The following USP20 variants were observed in gnomAD, a reference collection of about 807,000 sequenced individuals.
USP20 encodes ubiquitin specific peptidase 20.
USP20 carries 80 observed loss-of-function variants against 124.2 expected under a neutral mutation model. The observed-to-expected ratio is 0.64, with a 90% confidence interval of 0.54 to 0.78. The LOEUF (loss-of-function observed/expected upper bound fraction) is 0.78. USP20 is among the 30% of genes least tolerant of loss of function. The probability of loss-of-function intolerance (pLI) is 0.00; values close to 1 mark genes in which losing one functional copy is unlikely to be tolerated. For synonymous variants in USP20, 481 were observed against 512.3 expected (o/e 0.94, Z 0.83); for missense variants, 1,043 against 1,244.4 (o/e 0.84, Z 2.44).
intron 17 of USP20, 36 bp downstream of exon 17, chr9:129,873,780 A>G (rs1416705421): frequency 1.2e-6 from 2 of 1,606,780 alleles, no homozygotes; most frequent in Non-Finnish European, 1.7e-6. Context: ...CTCCTCAGCT[A>G]TCTCGGGATG....
At chr9:129,843,117 ATTT>A (rs111656983) in intron 1 of USP20, among the ~76,000 whole-genome samples, 16 of 140,504 alleles carry the variant, frequency 1.1e-4, no homozygotes, top group Non-Finnish European at 1.5e-4. Context: ...TTGACCAATA[ATTT>A]TTTTTTTTTT....
In USP20 at chr9:129,869,444, G is replaced by A. The variant is rs765162442; in HGVS notation, c.1392+19G>A. 1.9e-6 allele frequency: 3 copies of A among 1,610,342 alleles called. No individual in the cohort carries two copies. Among genetic ancestry groups the A allele is most frequent in the Non-Finnish European group, 1.7e-6 (2 of 1,177,130 alleles). On this transcript the variant is annotated intron_variant, in intron 13 of 25. Coordinates refer to ENST00000372429, the MANE Select transcript of USP20 (RefSeq NM_001110303.4). ...TGACCGGGTGGGTGCCCCAGGGATGGGGGGAGCTGGGCCAGGCTGCCAGTG... is the reference window on the plus strand; with the variant it reads ...TGACCGGGTGGGTGCCCCAGGGATGAGGGGAGCTGGGCCAGGCTGCCAGTG...
At chr9:129,865,482 A>G in intron 10 of USP20, 101 bp downstream of exon 10, 6 of 1,277,954 alleles carry the variant, frequency 4.7e-6, no homozygotes, top group Non-Finnish European at 6.8e-6. Flanking sequence ...GCAGCTGAGC[A>G]CTGGTTGGCA....
intron 5 of USP20, 63 bp from the exon 6 acceptor site, chr9:129,858,404 T>G: frequency 6.2e-7 from 1 of 1,608,620 alleles, no homozygotes; most frequent in South Asian, 1.1e-5. Context: ...GAGCAGCCAT[T>G]ACAGGTTGGG....
At chr9:129,877,456 G>A (rs2034454967) in intron 22 of USP20, among the ~76,000 whole-genome samples, 1 of 152,180 alleles carries the variant, frequency 6.6e-6, no homozygotes, top group African/African-American at 2.4e-5. Context: ...CTGGGAGGTT[G>A]AGGCTGCAGT....
At chr9:129,852,201 G>A (rs1000044657) in intron 2 of USP20, among the ~76,000 whole-genome samples, 1 of 152,182 alleles carries the variant, frequency 6.6e-6, no homozygotes, top group Non-Finnish European at 1.5e-5. Context: ...ATTGTCTGGT[G>A]TGCAGCTCCC....
chr9:129,859,762 C>T (rs7874858), intron 6 of USP20, among the ~76,000 whole-genome samples: 133,279 of 151,984 alleles, frequency 0.88, 58,822 homozygotes, highest in East Asian at 1. Context: ...AGGCTGGGCG[C>T]CATGGCTAAT....
intron 9 of USP20, among the ~76,000 whole-genome samples, chr9:129,863,834 G>A (rs1218211263): frequency 1.3e-5 from 2 of 152,214 alleles, no homozygotes; most frequent in African/African-American, 4.8e-5. Flanking sequence ...AGGGCCAGGC[G>A]CAGTGGCTCA....
rs367694158 is a variant in USP20, at chr9:129,876,102, G to T, written c.2301-28G>T. On this transcript the variant is annotated intron_variant, in intron 21 of 25. Coordinates refer to ENST00000372429, the MANE Select transcript of USP20 (RefSeq NM_001110303.4). ...CCCTCCCTGGTACCCCGCTCAGGCC[G>T]TGTCTCTCTCTCCCACCCTGGGCAC... is the stretch of plus-strand genomic sequence containing the variant. 4.4e-6 allele frequency: 7 copies of T among 1,591,892 alleles called. No individual in the cohort carries two copies. The South Asian group carries it at 6.7e-5, about 15-fold the overall frequency.
In USP20 at chr9:129,870,555, G is replaced by C; in HGVS notation, c.1660+8G>C. 6.2e-7 allele frequency: 1 copy of C among 1,614,078 alleles called. No individual in the cohort carries two copies. The highest frequency in any genetic ancestry group is 1.1e-5 in the South Asian group (1 of 91,066). On this transcript the variant is annotated splice_region_variant and intron_variant, in intron 15 of 25. Coordinates refer to ENST00000372429, the MANE Select transcript of USP20 (RefSeq NM_001110303.4). The stretch of plus-strand genomic sequence containing the variant: ...CCGCTGATGAGTTAAAGGGTGAGGG[G>C]CCTGGCTGGCAAGGGTCGGGGAGGT...
chr9:129,853,921 A>C (rs1564202392), intron 3 of USP20, among the ~76,000 whole-genome samples: 1 of 152,182 alleles, frequency 6.6e-6, no homozygotes, highest in Non-Finnish European at 1.5e-5. Flanking sequence ...GCTGTGTGTC[A>C]GAGATCACAA....
In USP20 at chr9:129,868,361, T is replaced by C; in HGVS notation, c.1047T>C (p.Asp349=). ...TNSEQVDEDA[D]VDTAMAALDD... The stretch of plus-strand genomic sequence containing the variant: ...CGGAGCAAGTGGACGAGGACGCTGA[T>C]GTGGACACTGCCATGGCTGCCCTTG... Residue 349 remains aspartate (D), a synonymous_variant, in exon 11 of 26, where the codon GAT becomes GAC. Transcript: ENST00000372429. 6.2e-7 allele frequency: 1 copy of C among 1,603,624 alleles called. No homozygotes were observed.
chr9:129,861,713 T>C, intron 8 of USP20, 101 bp downstream of exon 8: 4 of 1,046,916 alleles, frequency 3.8e-6, no homozygotes, highest in Non-Finnish European at 1.4e-6. Context: ...AACACATGTA[T>C]AGGATGCACA....
Position 129,849,522 on chromosome 9 carries a change from G to T in USP20, c.-128-291G>T, listed in dbSNP as rs375895546. 3.3e-5 allele frequency among the ~76,000 whole-genome samples: 5 copies of T among 152,318 alleles called. No individual in the cohort carries two copies. In the East Asian group the frequency reaches 5.8e-4, roughly 18 times the overall value. On this transcript the variant is annotated intron_variant, in intron 1 of 25. Transcript: ENST00000372429. ...GCCTATAATCTCAGCACTTTGGAAG[G>T]CCTGAGGTGGGAGGACTACTTGAGC...
intron 23 of USP20, 105 bp downstream of exon 23, chr9:129,878,545 C>T: frequency 1.9e-6 from 2 of 1,053,788 alleles, no homozygotes; most frequent in Non-Finnish European, 2.7e-6. Context: ...AGGCCCCATG[C>T]CTGCCCCCAG....
chr9:129,852,737 A>G lies in USP20; in HGVS notation c.81+101A>G. The G allele has an allele frequency of 2.5e-6, 3 of 1,190,978 alleles. No homozygotes were observed. The South Asian group carries it at 4.1e-5, about 16-fold the overall frequency. The allele number at this position is 1,190,978 out of a possible 1,614,324, so 73.8% of individuals were successfully genotyped here. On this transcript the variant is annotated intron_variant, in intron 3 of 25. Coordinates refer to ENST00000372429, the MANE Select transcript of USP20 (RefSeq NM_001110303.4). ...GCAGTGGAAAAACTGGTTCCCTGAC[A>G]GTCTCTGCTCAGCTTTCTGTGTAAA...
At chr9:129,840,766 CTTTT>C (rs34092925) in intron 1 of USP20, among the ~76,000 whole-genome samples, 4 of 120,472 alleles carry the variant, frequency 3.3e-5, no homozygotes, top group Non-Finnish European at 3.4e-5. Context: ...CCTTTAGAAA[CTTTT>C]TTTTTTTTTT....
At chr9:129,876,741 T>A (rs1038992358) in intron 22 of USP20, among the ~76,000 whole-genome samples, 5 of 151,328 alleles carry the variant, frequency 3.3e-5, no homozygotes, top group Non-Finnish European at 7.4e-5. Context: ...TTGGCTTGAG[T>A]AAGTGAAGCC....
At position 129,880,265 on chromosome 9, in the gene USP20, G is replaced by A. The variant is rs1406014938; in HGVS notation, c.2737G>A (p.Ala913Thr). The change falls in exon 25 of 26, where the codon GCC becomes ACC. Residue 913 changes from alanine (A) to threonine (T), a missense_variant. By Grantham distance (58) the Ala-to-Thr change is moderately conservative. Transcript: ENST00000372429. The part of the protein sequence containing the change: ...GEQKIEAETR[A>T]V The stretch of plus-strand genomic sequence containing the variant: ...GCAGAAGATCGAAGCCGAGACGCGG[G>A]CCGTGTGATCTGCTGGGCTAGTCTG... 2 of 1,597,432 alleles carry A rather than the reference G, an allele frequency of 1.3e-6. No individual in the cohort carries two copies. The highest frequency in any genetic ancestry group is 2.7e-5 in the African/African-American group (2 of 74,728).
Sources: allele counts gnomAD v4.1 joint callset (sites outside exome capture counted in the v4.1 genomes callset), GRCh38; gene constraint gnomAD v4.1.1; transcripts MANE v1.5; gene names NCBI Gene and HGNC (gene_info 2026-07-23, HGNC 2026-07-21).